ANKRD10: variants seen among roughly 807,000 people sequenced by gnomAD.
ANKRD10 encodes the protein ankyrin repeat domain-containing protein 10.
A neutral mutation model predicts 27.0 loss-of-function variants in ANKRD10; 14 were observed. That is an observed-to-expected ratio of 0.52 (90% CI 0.34 to 0.81). The LOEUF (loss-of-function observed/expected upper bound fraction) is 0.81. ANKRD10 is among the 40% of genes least tolerant of loss of function. The pLI, the probability that ANKRD10 is intolerant of heterozygous loss-of-function variation, is 0.01. For synonymous variants in ANKRD10, 250 were observed against 224.5 expected, an observed-to-expected ratio of 1.11 and a Z score of -1.01; for missense variants, 493 against 544.0, an observed-to-expected ratio of 0.91 and a Z score of 0.93.
At chr13:110,888,781 GTAGA>G (rs1247081798) in intron 4 of ANKRD10, among the ~76,000 whole-genome samples, 2 of 152,262 alleles carry the variant, frequency 1.3e-5, no homozygotes, top group Admixed American at 6.5e-5. Context: ...TCATCATGTT[GTAGA>G]TACTTTTTTC....
chr13:110,900,499 T>C, intron 3 of ANKRD10: 4 of 1,210,874 alleles, frequency 3.3e-6, no homozygotes, highest in Non-Finnish European at 4.2e-6. Context: ...ATTCCTAGAT[T>C]AGCGTTAAAA....
chr13:110,894,425 A>C (rs1473013064), intron 3 of ANKRD10: 1 of 296,014 alleles, frequency 3.4e-6, no homozygotes, highest in Non-Finnish European at 6.2e-6. Flanking sequence ...AAAAAAAAAA[A>C]AACCCCGCAT....
chr13:110,907,376 A>G (rs566582709), intron 2 of ANKRD10, among the ~76,000 whole-genome samples: 8 of 152,334 alleles, frequency 5.3e-5, no homozygotes, highest in African/African-American at 1.9e-4. Context: ...CCACACAATT[A>G]AGAGACCAAG....
chr13:110,903,103 G>A (rs1205923802), intron 3 of ANKRD10, among the ~76,000 whole-genome samples: 1 of 152,132 alleles, frequency 6.6e-6, no homozygotes, highest in Non-Finnish European at 1.5e-5. Flanking sequence ...AAAGAAAAAT[G>A]AGATGACAAT....
chr13:110,890,495 C>A (rs2065046123), intron 4 of ANKRD10, among the ~76,000 whole-genome samples: 1 of 152,192 alleles, frequency 6.6e-6, no homozygotes, highest in African/African-American at 2.4e-5. Flanking sequence ...AATCTAAGGA[C>A]TGTCAACTAC....
chr13:110,909,659 T>C (rs1325853908), intron 2 of ANKRD10, among the ~76,000 whole-genome samples: 2 of 152,218 alleles, frequency 1.3e-5, no homozygotes, highest in African/African-American at 4.8e-5. Flanking sequence ...ACTTTCCCAT[T>C]GATCCTTGTT....
In ANKRD10 at chr13:110,879,505, T is replaced by A; in HGVS notation, c.*132A>T. On this transcript the variant is annotated 3_prime_UTR_variant, in exon 6 of 6. Coordinates refer to ENST00000267339, the MANE Select transcript of ANKRD10 (RefSeq NM_017664.4). ...GCAGTTGCTGGGAACTTGTCGAAGT[T>A]TACTTTTTCAGAAAGTTGAAGTATA... 2.8e-6 allele frequency: 2 copies of A among 720,070 alleles called. No homozygotes were observed. Among genetic ancestry groups the A allele is most frequent in the Middle Eastern group, 4.0e-4 (1 of 2,496 alleles). The allele number at this position is 720,070 out of a possible 1,614,324, so 44.6% of individuals were successfully genotyped here.
rs117479700 is a variant in ANKRD10, at chr13:110,913,555, C to T, written c.210+1170G>A. ...ATTTCTTTTATTGAAAGAAAAGTGA[C>T]TTTTCCACTTTAAAAGAATCAGAAA... On this transcript the variant is annotated intron_variant, in intron 1 of 5. Transcript: ENST00000267339. 3.7e-3 allele frequency among the ~76,000 whole-genome samples: 556 copies of T among 152,302 alleles called. 4 individuals are homozygous for T. The highest frequency in any genetic ancestry group is 9.8e-3 in the Admixed American group (150 of 15,296).
At chr13:110,888,212 C>G (rs1333390212) in intron 4 of ANKRD10, among the ~76,000 whole-genome samples, 1 of 150,350 alleles carries the variant, frequency 6.7e-6, no homozygotes, top group African/African-American at 2.5e-5. Context: ...ACAAAAGCGG[C>G]TTGTGATCAA....
chr13:110,888,540 G>T (rs1415361851), intron 4 of ANKRD10, among the ~76,000 whole-genome samples: 8 of 152,074 alleles, frequency 5.3e-5, no homozygotes. Context: ...AACTAAACTA[G>T]AAGGAACTAA....
chr13:110,898,750 CTTTTTTT>C (rs56176208), intron 3 of ANKRD10, among the ~76,000 whole-genome samples: 35 of 106,546 alleles, frequency 3.3e-4, no homozygotes, highest in African/African-American at 1.1e-3. Flanking sequence ...TTTTTCTTTT[CTTTTTTT>C]TTTTTTTTTT....
intron 3 of ANKRD10, among the ~76,000 whole-genome samples, chr13:110,901,122 A>G (rs2065369092): frequency 6.6e-6 from 1 of 152,230 alleles, no homozygotes; most frequent in Admixed American, 6.5e-5. Flanking sequence ...AAAAAAGATA[A>G]AAAACATTAC....
intron 3 of ANKRD10, chr13:110,894,413 A>AAAAAAAAAAAAAAAC (rs2065169641): frequency 3.3e-6 from 1 of 302,976 alleles, no homozygotes; most frequent in Non-Finnish European, 6.0e-6. Flanking sequence ...CAAAAAAAAA[A>AAAAAAAAAAAAAAAC]AAAAAAAAAA....
chr13:110,887,330 T>G (rs560875909), intron 4 of ANKRD10, among the ~76,000 whole-genome samples: 1 of 152,060 alleles, frequency 6.6e-6, no homozygotes, highest in Non-Finnish European at 1.5e-5. Flanking sequence ...TCCGGGAAGG[T>G]CTGCTGCATT....
At chr13:110,902,049 GAAAAAAAAAAA>G (rs10656736) in intron 3 of ANKRD10, among the ~76,000 whole-genome samples, 1 of 115,418 alleles carries the variant, frequency 8.7e-6, no homozygotes, top group Non-Finnish European at 1.7e-5. Flanking sequence ...TCTCTTTTTA[GAAAAAAAAAAA>G]AAAAAAAAAA....
intron 3 of ANKRD10, among the ~76,000 whole-genome samples, chr13:110,902,577 A>ATATAAGGCTATC (rs1307243259): frequency 1.3e-5 from 2 of 152,220 alleles, no homozygotes; most frequent in Non-Finnish European, 2.9e-5. Context: ...GAATTTGCTT[A>ATATAAGGCTATC]TATAAGGCTA....
At chr13:110,881,905 G>A (rs1346300226) in intron 5 of ANKRD10, among the ~76,000 whole-genome samples, 1 of 152,148 alleles carries the variant, frequency 6.6e-6, no homozygotes, top group Non-Finnish European at 1.5e-5. Flanking sequence ...CAGACCTACT[G>A]AGGCAGAGCA....
chr13:110,902,187 G>A (rs2065404278), intron 3 of ANKRD10, among the ~76,000 whole-genome samples: 1 of 151,780 alleles, frequency 6.6e-6, no homozygotes, highest in African/African-American at 2.4e-5. Flanking sequence ...TATTCTGATG[G>A]GCAAAAAAAT....
chr13:110,890,919 A>G (rs1761291670), intron 4 of ANKRD10, among the ~76,000 whole-genome samples: 1 of 152,192 alleles, frequency 6.6e-6, no homozygotes, highest in Non-Finnish European at 1.5e-5. Context: ...AACCAAATTT[A>G]TGTAGTTAAC....
Sources: gnomAD v4.1 joint callset for allele counts (sites outside exome capture counted in the v4.1 genomes callset) on GRCh38, gnomAD v4.1.1 for gene constraint, MANE v1.5 for transcripts, NCBI Gene and HGNC (gene_info 2026-07-23, HGNC 2026-07-21) for gene names.